Variants in ZNF330 observed in about 807,000 individuals in gnomAD.
ZNF330 encodes zinc finger protein 330.
ZNF330 carries 31 observed loss-of-function variants against 45.5 expected under a neutral mutation model. The ratio of observed to expected loss-of-function variants is 0.68; its 90% CI spans 0.51 to 0.92. The LOEUF (loss-of-function observed/expected upper bound fraction) is 0.92, where lower values mean the gene tolerates loss of function less well. Among genes scored for constraint, ZNF330 ranks in the 40% least tolerant of loss-of-function variants. The probability of loss-of-function intolerance (pLI) is 0.00; values close to 1 mark genes in which losing one functional copy is unlikely to be tolerated. For missense variants in ZNF330, 356 were observed against 387.4 expected, an observed-to-expected ratio of 0.92 and a Z score of 0.68; for synonymous variants, 138 against 123.2, an observed-to-expected ratio of 1.12 and a Z score of -0.79.
chr4:141,232,583 A>G lies in ZNF330; in HGVS notation c.629A>G (p.Gln210Arg), dbSNP rs1290704123. 1.9e-6 allele frequency: 3 copies of G among 1,601,214 alleles called. No homozygotes were observed. Among genetic ancestry groups the G allele is most frequent in the African/African-American group, 2.7e-5 (2 of 74,344 alleles). ...GTGTTTAAGCAAGAAAAAGGAAAAC[A>G]GCCTCCTTGTCCTAAATGTGGGCAT... The part of the protein sequence containing the change: ...SKVFKQEKGK[Q>R]PPCPKCGHET... The change falls in exon 9 of 10, where the codon CAG becomes CGG. Residue 210 changes from glutamine to arginine, a missense_variant. Physicochemically the swap from Gln to Arg is conservative, Grantham distance 43. Coordinates refer to ENST00000262990, the MANE Select transcript of ZNF330 (RefSeq NM_014487.6).
At chr4:141,224,410 G>A (rs1560785133) in intron 2 of ZNF330, 77 bp from the exon 3 acceptor site, 5 of 1,381,368 alleles carry the variant, frequency 3.6e-6, no homozygotes, top group Non-Finnish European at 5.1e-6. Flanking sequence ...TGAAAAGCAG[G>A]TTATTCTTTG....
chr4:141,226,861 A>C lies in ZNF330; in HGVS notation c.291+15A>C. The C allele has an allele frequency of 5.6e-6, 9 of 1,600,668 alleles. No homozygotes were observed. The highest frequency in any genetic ancestry group is 7.7e-6 in the Non-Finnish European group (9 of 1,169,698). On this transcript the variant is annotated intron_variant, in intron 5 of 9. Coordinates refer to ENST00000262990, the MANE Select transcript of ZNF330 (RefSeq NM_014487.6). ...TTGCAATGGTGGTAAGCTTCTTATT[A>C]TCTCTTAGACTAGTACGTTTTCAAG...
chr4:141,232,010 T>A (rs970691677), intron 8 of ZNF330, among the ~76,000 whole-genome samples: 1 of 152,112 alleles, frequency 6.6e-6, no homozygotes, highest in African/African-American at 2.4e-5. Context: ...ATCTGTGTTT[T>A]CTTTGTCTGG....
In ZNF330 at chr4:141,222,417, C is replaced by A. The variant is rs1316493327; in HGVS notation, c.46C>A (p.Arg16=). 1 of 1,613,436 alleles carries A rather than the reference C, an allele frequency of 6.2e-7. No individual in the cohort carries two copies. The highest frequency in any genetic ancestry group is 8.5e-7 in the Non-Finnish European group (1 of 1,179,712). ...TGCGAGGAAGAAGGCTGAGAACCGC[C>A]GAGAACGTGAAAAACAACTAAGAGC... ...TGARKKAENR[R]EREKQLRASR... is the part of the protein sequence containing the mutation. Residue 16 remains arginine, a synonymous_variant, in exon 2 of 10, where the codon CGA becomes AGA. Transcript: ENST00000262990.
At chr4:141,227,668 A>G (rs1229658480) in intron 5 of ZNF330, among the ~76,000 whole-genome samples, 2 of 152,082 alleles carry the variant, frequency 1.3e-5, no homozygotes, top group East Asian at 1.9e-4. Flanking sequence ...GTACCTTTCT[A>G]ATATCTCTTA....
chr4:141,224,446 A>T, intron 2 of ZNF330, 41 bp from the exon 3 acceptor site: 1 of 1,587,192 alleles, frequency 6.3e-7, no homozygotes, highest in Non-Finnish European at 8.6e-7. Flanking sequence ...TGCAGTTTTC[A>T]GTCAGCAGAA....
intron 2 of ZNF330, among the ~76,000 whole-genome samples, chr4:141,223,256 G>C (rs149535957): frequency 6.6e-6 from 1 of 152,138 alleles, no homozygotes; most frequent in Non-Finnish European, 1.5e-5. Context: ...TGTATATTAG[G>C]ATTTGTTTGT....
chr4:141,232,702 CTTTTTTT>C (rs367794846), intron 9 of ZNF330, 60 bp downstream of exon 9: 1 of 628,158 alleles, frequency 1.6e-6, no homozygotes, highest in Non-Finnish European at 2.3e-6. Context: ...CAAAGTTTAT[CTTTTTTT>C]TTTTTGGTCT....
At chr4:141,223,771 C>T (rs1728739498) in intron 2 of ZNF330, 1 of 455,946 alleles carries the variant, frequency 2.2e-6, no homozygotes, top group Non-Finnish European at 4.4e-6. Flanking sequence ...TTTATTAGGA[C>T]TAAGAGGTGA....
chr4:141,231,535 C>T, intron 8 of ZNF330, 50 bp downstream of exon 8: 2 of 1,386,816 alleles, frequency 1.4e-6, no homozygotes, highest in Non-Finnish European at 2.0e-6. Context: ...AATCTCTATA[C>T]CCCTCCACCA....
chr4:141,226,933 C>A, intron 5 of ZNF330, 87 bp downstream of exon 5: 1 of 1,063,396 alleles, frequency 9.4e-7, no homozygotes, highest in Non-Finnish European at 1.4e-6. Context: ...TTCTAAATAT[C>A]ATTGCTTTGT....
chr4:141,231,231 G>A (rs1345973040), intron 7 of ZNF330, among the ~76,000 whole-genome samples: 1 of 151,922 alleles, frequency 6.6e-6, no homozygotes, highest in Non-Finnish European at 1.5e-5. Flanking sequence ...TGAGCCTTTC[G>A]TCGCCTTTTG....
At chr4:141,225,619 G>A (rs1389401257) in intron 4 of ZNF330, among the ~76,000 whole-genome samples, 1 of 152,016 alleles carries the variant, frequency 6.6e-6, no homozygotes, top group Non-Finnish European at 1.5e-5. Flanking sequence ...AAAGTTAGTA[G>A]TGTTTAGGGC....
chr4:141,233,833 T>TGAG lies in ZNF330; in HGVS notation c.816_818dup (p.Glu272dup), dbSNP rs749911799. On this transcript the variant is annotated inframe_insertion, in exon 10 of 10. Transcript: ENST00000262990. ...AGTATGGTGATACCAGCTACCACGA[T>TGAG]GAGGAGGAGGATGAGTATGAAGCAG... 1 of 1,613,390 alleles carries TGAG rather than the reference T, an allele frequency of 6.2e-7. No homozygotes were observed. Among genetic ancestry groups the TGAG allele is most frequent in the Non-Finnish European group, 8.5e-7 (1 of 1,179,728 alleles).
chr4:141,233,754 A>C lies in ZNF330; in HGVS notation c.728A>C (p.Glu243Ala). The change falls in exon 10 of 10, where the codon GAG (glutamate) becomes GCG (alanine). Residue 243 changes from glutamate to alanine, a missense_variant. By Grantham distance (107) the Glu-to-Ala change is moderately radical (BLOSUM62 -1). Coordinates refer to ENST00000262990, the MANE Select transcript of ZNF330 (RefSeq NM_014487.6). ...TTTGGCAGGCAGACTGGAGGTGAAG[A>C]GGGAGATGGAGCTTCTGGGTATGAT... ...LKFGRQTGGE[E>A]GDGASGYDAY... 2 of 1,613,502 alleles carry C rather than the reference A, an allele frequency of 1.2e-6. No homozygotes were observed. The highest frequency in any genetic ancestry group is 1.7e-6 in the Non-Finnish European group (2 of 1,179,670).
In ZNF330 at chr4:141,227,051, G is replaced by A. The variant is rs540091629; in HGVS notation, c.291+205G>A. 1.1e-4 allele frequency among the ~76,000 whole-genome samples: 16 copies of A among 150,522 alleles called. No individual in the cohort carries two copies. The East Asian group carries it at 3.1e-3, about 29-fold the overall frequency. On this transcript the variant is annotated intron_variant, in intron 5 of 9. Coordinates refer to ENST00000262990, the MANE Select transcript of ZNF330 (RefSeq NM_014487.6). ...CTAGCTGCTTCTTTCTTTCTTATTAGGGAACATACAAGGCATGGAAACTTT... is the reference window on the plus strand; with the variant it reads ...CTAGCTGCTTCTTTCTTTCTTATTAAGGAACATACAAGGCATGGAAACTTT...
intron 8 of ZNF330, 138 bp downstream of exon 8, chr4:141,231,623 A>T (rs1347609789): frequency 7.1e-6 from 4 of 567,238 alleles, no homozygotes; most frequent in South Asian, 8.4e-5. Flanking sequence ...TATTTTTGAG[A>T]CTGTGGAATT....
chr4:141,222,289 A>G (rs1728697828), intron 1 of ZNF330, 77 bp from the exon 2 acceptor site: 1 of 1,496,368 alleles, frequency 6.7e-7, no homozygotes, highest in Non-Finnish European at 9.0e-7. Flanking sequence ...ACACTTTGTT[A>G]TACTATTTCT....
At chr4:141,231,304 A>G in intron 7 of ZNF330, 135 bp from the exon 8 acceptor site, 1 of 551,594 alleles carries the variant, frequency 1.8e-6, no homozygotes. Context: ...TGTGTTTTAT[A>G]GCATTTGAAC....
Sources: gnomAD v4.1 joint callset for allele counts (sites outside exome capture counted in the v4.1 genomes callset) on GRCh38, gnomAD v4.1.1 for gene constraint, MANE v1.5 for transcripts, NCBI Gene and HGNC (gene_info 2026-07-23, HGNC 2026-07-21) for gene names.